The following SART1 variants were observed in gnomAD, a reference collection of about 807,000 sequenced individuals.
SART1 encodes spliceosome associated factor 1, recruiter of U4/U6.U5 tri-snRNP, also known as U4/U6.U5 tri-snRNP-associated protein 1.
In SART1, 28 loss-of-function variants were observed where a neutral mutation model predicts 105.0. That is an observed-to-expected ratio of 0.27 (90% confidence interval 0.20 to 0.37). The LOEUF (loss-of-function observed/expected upper bound fraction) is 0.37, where lower values mean the gene tolerates loss of function less well. SART1 is among the 10% of genes least tolerant of loss of function. The pLI, the probability that SART1 is intolerant of heterozygous loss-of-function variation, is 1.00. For synonymous variants in SART1, 472 were observed against 462.9 expected, an observed-to-expected ratio of 1.02 and a Z score of -0.25; for missense variants, 894 against 1,106.5, an observed-to-expected ratio of 0.81 and a Z score of 2.72.
rs1855486310 is a variant in SART1, at chr11:65,976,642, C to G, written c.1747-14C>G. 6.2e-7 allele frequency: 1 copy of G among 1,613,578 alleles called. No individual in the cohort carries two copies. Among genetic ancestry groups the G allele is most frequent in the Non-Finnish European group, 8.5e-7 (1 of 1,179,838 alleles). ...GGCTGGGGCCTGGGCCGACCCTGGT[C>G]TTTTGTGCCCCAGGACTTTGAACGG... On this transcript the variant is annotated splice_polypyrimidine_tract_variant and intron_variant, in intron 13 of 19. Coordinates refer to ENST00000312397, the MANE Select transcript of SART1 (RefSeq NM_005146.5). This position sits in a 1 kb window ranked among gnomAD's most constrained non-coding sequence, Gnocchi z 5.1.
Position 65,976,994 on chromosome 11 carries a change from C to G in SART1, c.1858-20C>G. 4.4e-6 allele frequency: 7 copies of G among 1,604,658 alleles called. No individual in the cohort carries two copies. Among genetic ancestry groups the G allele is most frequent in the Non-Finnish European group, 6.0e-6 (7 of 1,171,536 alleles). On this transcript the variant is annotated intron_variant, in intron 14 of 19. Transcript: ENST00000312397. This position sits in a 1 kb window ranked among gnomAD's most constrained non-coding sequence, Gnocchi z 5.1. ...AGAGCCGGTATGGCCTGCTAACCAC[C>G]CCCGCCACGTGTCCCGTAGTTCTCT...
chr11:65,977,191 T>G, intron 15 of SART1, 90 bp downstream of exon 15: 1 of 909,672 alleles, frequency 1.1e-6, no homozygotes, highest in South Asian at 1.4e-5. Flanking sequence ...CTGCTGCCCC[T>G]TTCTCTCAGT....
At chr11:65,977,209 C>A in intron 15 of SART1, 108 bp downstream of exon 15, 1 of 769,542 alleles carries the variant, frequency 1.3e-6, no homozygotes, top group Non-Finnish European at 2.2e-6. Flanking sequence ...AGTCCCAATG[C>A]TGGAGCCAGC....
chr11:65,978,584 T>C lies in SART1; in HGVS notation c.2173-16T>C, dbSNP rs1220602717. On this transcript the variant is annotated splice_polypyrimidine_tract_variant and intron_variant, in intron 17 of 19. Coordinates refer to ENST00000312397, the MANE Select transcript of SART1 (RefSeq NM_005146.5). The surrounding 1 kb of genome is among the most constrained non-coding windows in gnomAD (Gnocchi z 6.8). ...ACCCAGGGCCCTGCATCTCCTCTCATGCCCCGCGTCCCCAGGCTTTCCGGC... is the reference window on the plus strand; with the variant it reads ...ACCCAGGGCCCTGCATCTCCTCTCACGCCCCGCGTCCCCAGGCTTTCCGGC... 10 of 1,552,662 alleles carry C rather than the reference T, an allele frequency of 6.4e-6. No homozygotes were observed. In the Admixed American group the frequency reaches 7.8e-5, roughly 12 times the overall value.
intron 12 of SART1, among the ~76,000 whole-genome samples, chr11:65,975,189 G>C (rs1042723955): frequency 6.9e-6 from 1 of 145,012 alleles, no homozygotes; most frequent in East Asian, 2.0e-4. Flanking sequence ...CCATAGCCTC[G>C]GCCTCCAGGC....
At chr11:65,965,837 G>A (rs752006635) in intron 6 of SART1, 50 bp from the exon 7 acceptor site, 14 of 1,613,294 alleles carry the variant, frequency 8.7e-6, no homozygotes, top group African/African-American at 8.0e-5. Context: ...CCGGAATCCC[G>A]AGGTTGGGTG....
chr11:65,962,343 C>A (rs1045752698), intron 1 of SART1, among the ~76,000 whole-genome samples: 2 of 152,234 alleles, frequency 1.3e-5, no homozygotes, highest in South Asian at 4.1e-4. Flanking sequence ...AGAAAAAAGT[C>A]TTTCTACGGT....
rs538860795 is a variant in SART1, at chr11:65,976,975, G to A, written c.1858-39G>A. ...CCAGTGGGTGGGGCTGAGAAGAGCC[G>A]GTATGGCCTGCTAACCACCCCCGCC... On this transcript the variant is annotated intron_variant, in intron 14 of 19. Transcript: ENST00000312397. This position sits in a 1 kb window ranked among gnomAD's most constrained non-coding sequence, Gnocchi z 5.1. 107 of 1,524,910 alleles carry A rather than the reference G, an allele frequency of 7.0e-5. 1 individual carries two copies. In the South Asian group the frequency reaches 1.0e-3, roughly 15 times the overall value. The allele number at this position is 1,524,910 out of a possible 1,614,324, so 94.5% of individuals were successfully genotyped here. A position where few individuals can be genotyped will look rare whatever the true frequency, so the allele number is the denominator to read the frequency against.
rs771714797 is a variant in SART1, at chr11:65,966,525, T to C, written c.1157T>C (p.Leu386Pro). 1.3e-6 allele frequency: 2 copies of C among 1,566,782 alleles called. No homozygotes were observed. The highest frequency in any genetic ancestry group is 1.7e-6 in the Non-Finnish European group (2 of 1,157,372). The change falls in exon 9 of 20, where the codon CTG becomes CCG. Residue 386 changes from leucine (L) to proline (P), a missense_variant. Leu to Pro is a moderately conservative substitution (Grantham distance 98). Coordinates refer to ENST00000312397, the MANE Select transcript of SART1 (RefSeq NM_005146.5). Reference sequence around the variant, plus strand: ...TCCCTGAGCACAGTGGGGCCCCGGCTGGCCTCCGAATACCTCACGCCTGAG... The same window carrying C: ...TCCCTGAGCACAGTGGGGCCCCGGCCGGCCTCCGAATACCTCACGCCTGAG... ...AQSLSTVGPR[L>P]ASEYLTPEEM...
chr11:65,980,110 C>CA lies in SART1; in HGVS notation c.*1088dup, dbSNP rs35831021. ...CCTAGGTGACAGTCAGACCCTGTCT[C>CA]AAAAAAAATAAAAAAAATTTAAAAT... On this transcript the variant is annotated 3_prime_UTR_variant, in exon 20 of 20. Transcript: ENST00000312397. 6.0e-5 allele frequency among the ~76,000 whole-genome samples: 9 copies of CA among 151,142 alleles called. No individual in the cohort carries two copies. The highest frequency in any genetic ancestry group is 8.9e-5 in the Non-Finnish European group (6 of 67,786).
At chr11:65,967,192 C>G (rs1242549310) in intron 9 of SART1, 67 bp from the exon 10 acceptor site, 2 of 1,584,336 alleles carry the variant, frequency 1.3e-6, no homozygotes, top group African/African-American at 2.7e-5. Flanking sequence ...AGTGTTCACC[C>G]TCGAGGGCTT....
chr11:65,971,465 A>G (rs1590639878), intron 12 of SART1, among the ~76,000 whole-genome samples: 3 of 53,206 alleles, frequency 5.6e-5, no homozygotes, highest in African/African-American at 1.9e-4. Flanking sequence ...GCTGCTGAGG[A>G]GGGGGATGGT....
chr11:65,977,947 C>T lies in SART1; in HGVS notation c.2172+48C>T, dbSNP rs563695525. 35 of 1,587,952 alleles carry T rather than the reference C, an allele frequency of 2.2e-5. No individual in the cohort carries two copies. The African/African-American group carries it at 3.5e-4, about 16-fold the overall frequency. On this transcript the variant is annotated intron_variant, in intron 17 of 19. Coordinates refer to ENST00000312397, the MANE Select transcript of SART1 (RefSeq NM_005146.5). ...GGAGGCCCGGCCTGCCACAGGGAGGCCAAGCCCAGGGCCATGCAATGCCCC... is the reference window on the plus strand; with the variant it reads ...GGAGGCCCGGCCTGCCACAGGGAGGTCAAGCCCAGGGCCATGCAATGCCCC...
At position 65,977,869 on chromosome 11, in the gene SART1, T is replaced by C; in HGVS notation, c.2142T>C (p.Asp714=). 1.9e-6 allele frequency: 3 copies of C among 1,613,404 alleles called. No homozygotes were observed. The highest frequency in any genetic ancestry group is 1.7e-6 in the Non-Finnish European group (2 of 1,179,778). The change falls in exon 17 of 20, where the codon GAT becomes GAC. Residue 714 remains aspartate, a synonymous_variant. Coordinates refer to ENST00000312397, the MANE Select transcript of SART1 (RefSeq NM_005146.5). The stretch of plus-strand genomic sequence containing the variant: ...CCGACGTTAAGATCGAATACGTGGA[T>C]GAGACGGGCCGGAAACTCACACCCA... ...YKPDVKIEYV[D]ETGRKLTPKE...
chr11:65,978,656 A>G lies in SART1; in HGVS notation c.2229A>G (p.Thr743=). Residue 743 remains threonine, a synonymous_variant, in exon 18 of 20, where the codon ACA becomes ACG. Transcript: ENST00000312397. The surrounding 1 kb of genome is among the most constrained non-coding windows in gnomAD (Gnocchi z 6.8). Reference sequence around the variant, plus strand: ...GCAAGGGCTCAGGCAAGATGAAGACAGAGCGGCGGATGAAGAAGCTGGACG... The same window carrying G: ...GCAAGGGCTCAGGCAAGATGAAGACGGAGCGGCGGATGAAGAAGCTGGACG... ...FHGKGSGKMK[T]ERRMKKLDEE... 6.3e-7 allele frequency: 1 copy of G among 1,594,536 alleles called. No individual in the cohort carries two copies. Among genetic ancestry groups the G allele is most frequent in the Non-Finnish European group, 8.5e-7 (1 of 1,170,880 alleles).
intron 10 of SART1, 39 bp from the exon 11 acceptor site, chr11:65,967,432 T>A: frequency 6.2e-7 from 1 of 1,613,572 alleles, no homozygotes; most frequent in South Asian, 1.1e-5. Flanking sequence ...TGGGGTGGCC[T>A]GGGGACCGGT....
intron 12 of SART1, among the ~76,000 whole-genome samples, chr11:65,969,573 T>C (rs895435031): frequency 4.2e-4 from 63 of 151,358 alleles, no homozygotes; most frequent in African/African-American, 1.5e-3. Flanking sequence ...CCTCAGGCTC[T>C]CAAGTAGCTG....
intron 6 of SART1, 37 bp from the exon 7 acceptor site, chr11:65,965,850 T>A: frequency 6.2e-7 from 1 of 1,613,264 alleles, no homozygotes; most frequent in Non-Finnish European, 8.5e-7. Context: ...GTTGGGTGCG[T>A]GGAGGGAGGT....
At position 65,979,376 on chromosome 11, in the gene SART1, G is replaced by T; in HGVS notation, c.*346G>T. 1 of 395,360 alleles carries T rather than the reference G, an allele frequency of 2.5e-6. No individual in the cohort carries two copies. The highest frequency in any genetic ancestry group is 4.7e-6 in the Non-Finnish European group (1 of 213,894). The allele number at this position is 395,360 out of a possible 1,614,324, so 24.5% of individuals were successfully genotyped here. The stretch of plus-strand genomic sequence containing the variant: ...GCTGCACAGGTCACTGTCCTGTAAT[G>T]TCTCCCGGTCAGGGCAGCCCAGGAC... On this transcript the variant is annotated 3_prime_UTR_variant, in exon 20 of 20. Coordinates refer to ENST00000312397, the MANE Select transcript of SART1 (RefSeq NM_005146.5).
Sources: allele counts gnomAD v4.1 joint callset (sites outside exome capture counted in the v4.1 genomes callset), GRCh38; gene constraint gnomAD v4.1.1; non-coding constraint Gnocchi (gnomAD v3.1); transcripts MANE v1.5; gene names NCBI Gene and HGNC (gene_info 2026-07-23, HGNC 2026-07-21).